ADAMTS12: variants seen among roughly 807,000 people sequenced by gnomAD.
ADAMTS12 encodes the protein A disintegrin and metalloproteinase with thrombospondin motifs 12.
Under a neutral mutation model 167.8 loss-of-function variants are expected in ADAMTS12, and 118 were observed. The observed-to-expected ratio is 0.70, with a 90% CI of 0.61 to 0.82. ADAMTS12 has a LOEUF of 0.82. Ranked by LOEUF, ADAMTS12 falls within the 40% of genes least tolerant of loss-of-function variation. The probability of loss-of-function intolerance (pLI) is 0.00; values close to 1 mark genes in which losing one functional copy is unlikely to be tolerated. For synonymous variants in ADAMTS12, 704 were observed against 716.9 expected, an observed-to-expected ratio of 0.98 and a Z score of 0.29; for missense variants, 1,916 against 1,998.8, an observed-to-expected ratio of 0.96 and a Z score of 0.79.
At chr5:33,694,176 C>T (rs757052488) in intron 3 of ADAMTS12, among the ~76,000 whole-genome samples, 2 of 152,170 alleles carry the variant, frequency 1.3e-5, no homozygotes, top group Admixed American at 6.5e-5. Flanking sequence ...AATGAAAAAA[C>T]ATTCCATGCT....
At chr5:33,641,471 A>G (rs572302221) in intron 11 of ADAMTS12, among the ~76,000 whole-genome samples, 44 of 152,348 alleles carry the variant, frequency 2.9e-4, no homozygotes, top group African/African-American at 1.0e-3. Context: ...TACTGATAAA[A>G]TTGAGTTATT....
chr5:33,545,881 G>A (rs570259544), intron 22 of ADAMTS12, among the ~76,000 whole-genome samples, 178 bp downstream of exon 22: 2 of 151,650 alleles, frequency 1.3e-5, no homozygotes, highest in Non-Finnish European at 2.9e-5. Flanking sequence ...GGCTGGGAGA[G>A]GTATAGCATT....
At chr5:33,743,622 G>C (rs964853008) in intron 3 of ADAMTS12, among the ~76,000 whole-genome samples, 2 of 152,142 alleles carry the variant, frequency 1.3e-5, no homozygotes, top group African/African-American at 4.8e-5. Context: ...CCGGTGTCTG[G>C]CACAGTGTGA....
intron 20 of ADAMTS12, among the ~76,000 whole-genome samples, chr5:33,560,003 G>A (rs879730628): frequency 3.9e-5 from 6 of 152,072 alleles, no homozygotes; most frequent in South Asian, 2.1e-4. Context: ...CCATATATTC[G>A]CTTTGTAAAG....
At chr5:33,627,447 T>G (rs1168872541) in intron 13 of ADAMTS12, among the ~76,000 whole-genome samples, 1 of 147,232 alleles carries the variant, frequency 6.8e-6, no homozygotes, top group Non-Finnish European at 1.5e-5. Flanking sequence ...GATATGGTGG[T>G]GGTGATGGCA....
At chr5:33,629,423 C>T (rs56846874) in intron 13 of ADAMTS12, among the ~76,000 whole-genome samples, 52,588 of 151,996 alleles carry the variant, frequency 0.35, 10,257 homozygotes, top group African/African-American at 0.54. Context: ...TCTAAGAGTT[C>T]ATTTTACACC....
intron 2 of ADAMTS12, among the ~76,000 whole-genome samples, chr5:33,786,591 C>T (rs983310920): frequency 6.6e-6 from 1 of 151,944 alleles, no homozygotes; most frequent in African/African-American, 2.4e-5. Context: ...ATATGCATTG[C>T]CTCCCAAGCA....
chr5:33,595,593 G>A (rs1278140500), intron 17 of ADAMTS12, among the ~76,000 whole-genome samples: 2 of 152,218 alleles, frequency 1.3e-5, no homozygotes, highest in African/African-American at 4.8e-5. Context: ...CTGAAGGCTG[G>A]TGTTGCACTG....
intron 1 of ADAMTS12, among the ~76,000 whole-genome samples, chr5:33,888,662 A>G (rs1580027022): frequency 6.6e-6 from 1 of 152,230 alleles, no homozygotes; most frequent in East Asian, 1.9e-4. Flanking sequence ...TTGATTTCAC[A>G]GAGATGTCAG....
chr5:33,623,463 C>G (rs538959148), intron 14 of ADAMTS12, among the ~76,000 whole-genome samples: 15 of 152,314 alleles, frequency 9.8e-5, no homozygotes, highest in African/African-American at 3.6e-4. Context: ...AATGGTTCAC[C>G]CTTTCTTAGC....
chr5:33,569,463 C>T (rs113414754), intron 19 of ADAMTS12, among the ~76,000 whole-genome samples: 2 of 152,150 alleles, frequency 1.3e-5, no homozygotes, highest in African/African-American at 4.8e-5. Flanking sequence ...CTGCAGACAC[C>T]GCTGCTGATA....
chr5:33,788,133 C>G (rs1746396834), intron 2 of ADAMTS12, among the ~76,000 whole-genome samples: 1 of 152,202 alleles, frequency 6.6e-6, no homozygotes, highest in African/African-American at 2.4e-5. Context: ...TACAGTCTTG[C>G]TCTGGAATAT....
chr5:33,585,853 G>C (rs1236667942), intron 18 of ADAMTS12, among the ~76,000 whole-genome samples: 1 of 152,100 alleles, frequency 6.6e-6, no homozygotes, highest in Non-Finnish European at 1.5e-5. Flanking sequence ...ATCCCTGCTG[G>C]GACAGGGATG....
chr5:33,853,767 C>G (rs1371294454), intron 2 of ADAMTS12, among the ~76,000 whole-genome samples: 2 of 152,210 alleles, frequency 1.3e-5, no homozygotes, highest in Non-Finnish European at 2.9e-5. Context: ...TTTAATGGGT[C>G]AATGCTTCTC....
chr5:33,881,228 G>A lies in ADAMTS12; in HGVS notation c.380C>T (p.Ser127Phe). ...YIMEKRYGNL[S>F]HVKMMASSAP... ...AGAGGAAGCCATCATCTTAACATGG[G>A]AGAGGTTCCCATATCTCTTCTCCAT... The change falls in exon 2 of 24, where the codon TCC (serine) becomes TTC (phenylalanine). Residue 127 changes from serine to phenylalanine, a missense_variant. Ser to Phe is a radical substitution (Grantham distance 155). Transcript: ENST00000504830. 1 of 1,614,164 alleles carries A rather than the reference G, an allele frequency of 6.2e-7. No homozygotes were observed. Among genetic ancestry groups the A allele is most frequent in the East Asian group, 2.2e-5 (1 of 44,878 alleles).
chr5:33,563,948 T>C (rs1745875111), intron 19 of ADAMTS12, among the ~76,000 whole-genome samples: 1 of 152,344 alleles, frequency 6.6e-6, no homozygotes, highest in South Asian at 2.1e-4. Flanking sequence ...ATACAGCTGG[T>C]AATTTACTGA....
intron 22 of ADAMTS12, among the ~76,000 whole-genome samples, chr5:33,538,368 G>A (rs1430824779): frequency 6.6e-6 from 1 of 152,106 alleles, no homozygotes; most frequent in African/African-American, 2.4e-5. Flanking sequence ...CCTGCCACTG[G>A]GTCTCTCCCT....
intron 3 of ADAMTS12, among the ~76,000 whole-genome samples, chr5:33,716,455 G>GT (rs1350448321): frequency 6.6e-6 from 1 of 152,072 alleles, no homozygotes; most frequent in African/African-American, 2.4e-5. Context: ...AACCAATTGT[G>GT]TATCTATCTA....
chr5:33,622,614 C>T (rs1739389601), intron 14 of ADAMTS12, among the ~76,000 whole-genome samples: 1 of 152,166 alleles, frequency 6.6e-6, no homozygotes, highest in South Asian at 2.1e-4. Context: ...GATTGCAGCA[C>T]TGCACTCCAC....
Sources: gnomAD v4.1 joint callset for allele counts (sites outside exome capture counted in the v4.1 genomes callset) on GRCh38, gnomAD v4.1.1 for gene constraint, MANE v1.5 for transcripts, NCBI Gene and HGNC (gene_info 2026-07-23, HGNC 2026-07-21) for gene names.